Variants in TTC39B observed in about 807,000 individuals in gnomAD.
The protein encoded by TTC39B is tetratricopeptide repeat domain 39B.
In TTC39B, 92 loss-of-function variants were observed where a neutral mutation model predicts 96.6. The ratio of observed to expected loss-of-function variants is 0.95; its 90% CI spans 0.80 to 1.13. The LOEUF (loss-of-function observed/expected upper bound fraction) is 1.13, where lower values mean the gene tolerates loss of function less well. Among genes scored for constraint, TTC39B ranks in the 50% most tolerant of loss-of-function variants. The probability of loss-of-function intolerance (pLI) is 0.00; values close to 1 mark genes in which losing one functional copy is unlikely to be tolerated. For missense variants in TTC39B, 955 were observed against 809.3 expected (o/e 1.18, Z -2.18); for synonymous variants, 367 against 299.4 (o/e 1.23, Z -2.33).
chr9:15,173,223 T>C (rs1817754129), intron 19 of TTC39B, among the ~76,000 whole-genome samples: 2 of 152,188 alleles, frequency 1.3e-5, no homozygotes, highest in South Asian at 2.1e-4. Flanking sequence ...GATTTGAAGA[T>C]ATCTATATCT....
At chr9:15,298,285 C>T (rs1367344110) in intron 1 of TTC39B, among the ~76,000 whole-genome samples, 1 of 152,170 alleles carries the variant, frequency 6.6e-6, no homozygotes, top group Non-Finnish European at 1.5e-5. Context: ...CTGAGCCACG[C>T]TACCAGCCTC....
chr9:15,231,671 A>C (rs2131427843), intron 2 of TTC39B, among the ~76,000 whole-genome samples: 1 of 152,378 alleles, frequency 6.6e-6, no homozygotes, highest in East Asian at 1.9e-4. Flanking sequence ...CATAGATAGC[A>C]GAGCCAATTC....
intron 1 of TTC39B, among the ~76,000 whole-genome samples, chr9:15,298,689 TG>T (rs1368610286): frequency 1.3e-5 from 2 of 152,118 alleles, no homozygotes; most frequent in Non-Finnish European, 2.9e-5. Context: ...GAGATGTGGG[TG>T]GGAACACAGC....
intron 6 of TTC39B, among the ~76,000 whole-genome samples, chr9:15,205,782 G>T (rs575861877): frequency 5.6e-4 from 85 of 152,146 alleles, no homozygotes; most frequent in Non-Finnish European, 1.1e-3. Context: ...CTGGCTTGGG[G>T]TACATGCAGA....
intron 3 of TTC39B, among the ~76,000 whole-genome samples, chr9:15,224,138 A>C (rs1292415054): frequency 6.6e-6 from 1 of 152,146 alleles, no homozygotes; most frequent in African/African-American, 2.4e-5. Context: ...TTCAGAAAAC[A>C]AATGATGCTC....
chr9:15,245,304 C>T (rs1822225721), intron 2 of TTC39B, among the ~76,000 whole-genome samples: 1 of 152,082 alleles, frequency 6.6e-6, no homozygotes, highest in African/African-American at 2.4e-5. Flanking sequence ...AAGGGCTCTC[C>T]CTACAAATAT....
intron 1 of TTC39B, among the ~76,000 whole-genome samples, chr9:15,278,809 G>A (rs1000504964): frequency 6.6e-6 from 1 of 152,166 alleles, no homozygotes. Flanking sequence ...CATAAAAAGT[G>A]AGCATTTCAC....
intron 2 of TTC39B, among the ~76,000 whole-genome samples, chr9:15,264,646 C>G (rs1823060440): frequency 7.9e-6 from 1 of 126,194 alleles, no homozygotes; most frequent in Non-Finnish European, 1.6e-5. Flanking sequence ...CAGAGCGAGA[C>G]TCTGTCTTAA....
intron 1 of TTC39B, among the ~76,000 whole-genome samples, chr9:15,302,768 C>A (rs922636711): frequency 6.6e-6 from 1 of 151,832 alleles, no homozygotes; most frequent in African/African-American, 2.4e-5. Context: ...CGCTTGAACC[C>A]GGGAGGCGGA....
At chr9:15,227,565 C>T (rs1262763807) in intron 2 of TTC39B, among the ~76,000 whole-genome samples, 1 of 152,126 alleles carries the variant, frequency 6.6e-6, no homozygotes, top group Non-Finnish European at 1.5e-5. Context: ...CATTAGAAGA[C>T]AAGTTATTTC....
At chr9:15,214,614 G>A (rs751635648) in intron 3 of TTC39B, among the ~76,000 whole-genome samples, 12 of 152,016 alleles carry the variant, frequency 7.9e-5, no homozygotes, top group Non-Finnish European at 1.3e-4. Context: ...TTCCCTCCCC[G>A]ACCGTGGAAT....
intron 1 of TTC39B, among the ~76,000 whole-genome samples, chr9:15,291,029 C>T (rs979810789): frequency 4.6e-5 from 7 of 152,156 alleles, no homozygotes; most frequent in African/African-American, 1.7e-4. Context: ...AATGGATTAC[C>T]GAGGTAAAGT....
chr9:15,300,847 C>G (rs1234863849), intron 1 of TTC39B, among the ~76,000 whole-genome samples: 1 of 136,510 alleles, frequency 7.3e-6, no homozygotes, highest in African/African-American at 2.7e-5. Context: ...AGCCGAGATC[C>G]CACTACTTCA....
intron 6 of TTC39B, among the ~76,000 whole-genome samples, chr9:15,206,928 T>C (rs115524677): frequency 0.017 from 2,510 of 152,120 alleles, 76 homozygotes; most frequent in African/African-American, 0.057. Flanking sequence ...TGGTGGGAGA[T>C]GTTTGGATCA....
chr9:15,240,096 T>C (rs1012948952), intron 2 of TTC39B, among the ~76,000 whole-genome samples: 13 of 152,092 alleles, frequency 8.5e-5, no homozygotes, highest in Non-Finnish European at 1.8e-4. Context: ...TGGCCGATGA[T>C]CAGAGGAAGG....
chr9:15,259,497 G>A (rs1332971699), intron 2 of TTC39B, among the ~76,000 whole-genome samples: 2 of 152,182 alleles, frequency 1.3e-5, no homozygotes, highest in Admixed American at 6.5e-5. Flanking sequence ...TACAAAGACT[G>A]TACACAATTG....
At chr9:15,272,601 T>C (rs937044053) in intron 1 of TTC39B, among the ~76,000 whole-genome samples, 24 of 152,194 alleles carry the variant, frequency 1.6e-4, no homozygotes, top group African/African-American at 5.8e-4. Context: ...GATGTTTTCA[T>C]TGAACCACAC....
chr9:15,254,554 A>G (rs1008569037), intron 2 of TTC39B, among the ~76,000 whole-genome samples: 2 of 152,074 alleles, frequency 1.3e-5, no homozygotes, highest in Non-Finnish European at 2.9e-5. Context: ...CTTCTATGGG[A>G]TTGTCTGAAA....
exon 20 of TTC39B, chr9:15,167,015 TATATATA>T (rs1564299890): frequency 1.7e-3 from 14 of 8,404 alleles, no homozygotes; most frequent in African/African-American, 4.3e-3. Flanking sequence ...TATATATATA[TATATATA>T]TATATATTTT....
Sources: gnomAD v4.1 joint callset for allele counts (sites outside exome capture counted in the v4.1 genomes callset) on GRCh38, gnomAD v4.1.1 for gene constraint, MANE v1.5 for transcripts, NCBI Gene and HGNC (gene_info 2026-07-23, HGNC 2026-07-21) for gene names.